The following ARK2C variants were observed in gnomAD, a reference collection of about 807,000 sequenced individuals.
ARK2C encodes the protein E3 ubiquitin-protein ligase ARK2C.
At chr18:46,346,956 C>T in the ARK2C span, among the ~76,000 whole-genome samples, 3 of 152,216 alleles carry the variant, frequency 2.0e-5, no homozygotes, top group African/African-American at 4.8e-5. Flanking sequence ...GGGAGACCCC[C>T]GAACACTCCT....
At chr18:46,393,531 G>A in the ARK2C span, among the ~76,000 whole-genome samples, 5 of 152,068 alleles carry the variant, frequency 3.3e-5, no homozygotes, top group East Asian at 1.9e-4. Flanking sequence ...GACGCCCCCC[G>A]CCACCACCCC....
chr18:46,341,009 C>A, the ARK2C span, among the ~76,000 whole-genome samples: 54 of 152,236 alleles, frequency 3.5e-4, no homozygotes, highest in African/African-American at 1.2e-3. Context: ...ACAGAAAGTA[C>A]GTAGCAGGAG....
the ARK2C span, among the ~76,000 whole-genome samples, chr18:46,422,306 T>C: frequency 6.6e-6 from 1 of 152,208 alleles, no homozygotes. Flanking sequence ...GCACCCTGCC[T>C]CTGAATGACT....
the ARK2C span, among the ~76,000 whole-genome samples, chr18:46,377,741 T>C: frequency 1.3e-5 from 2 of 152,134 alleles, no homozygotes; most frequent in African/African-American, 4.8e-5. Context: ...GGAGTTGCTA[T>C]GTGATGGGGC....
At chr18:46,425,526 A>G in the ARK2C span, among the ~76,000 whole-genome samples, 1 of 152,212 alleles carries the variant, frequency 6.6e-6, no homozygotes, top group Non-Finnish European at 1.5e-5. Flanking sequence ...AGTCTTGAGG[A>G]TGAAACTCCA....
chr18:46,394,123 C>T, the ARK2C span, among the ~76,000 whole-genome samples: 4 of 152,236 alleles, frequency 2.6e-5, no homozygotes, highest in African/African-American at 9.6e-5. Flanking sequence ...AGCCTTTTCA[C>T]TTGGATGCAA....
At chr18:46,454,599 C>G in the ARK2C span, among the ~76,000 whole-genome samples, 2 of 152,176 alleles carry the variant, frequency 1.3e-5, no homozygotes, top group African/African-American at 2.4e-5. Flanking sequence ...CCAGACTAAA[C>G]CAGACTCAGG....
chr18:46,338,433 A>G, the ARK2C span, among the ~76,000 whole-genome samples: 2 of 152,180 alleles, frequency 1.3e-5, no homozygotes, highest in African/African-American at 4.8e-5. Context: ...AAAGCTGATT[A>G]TAGCCTAGTT....
chr18:46,377,230 C>A, the ARK2C span, among the ~76,000 whole-genome samples: 1 of 152,066 alleles, frequency 6.6e-6, no homozygotes, highest in Admixed American at 6.6e-5. Flanking sequence ...AGCAAATATC[C>A]TTTAAAGAAA....
the ARK2C span, among the ~76,000 whole-genome samples, chr18:46,357,493 G>A: frequency 6.6e-6 from 1 of 152,270 alleles, no homozygotes; most frequent in Non-Finnish European, 1.5e-5. Context: ...TTGGTGGGCT[G>A]TGCTGGCAGA....
chr18:46,388,910 C>G, the ARK2C span, among the ~76,000 whole-genome samples: 1 of 152,058 alleles, frequency 6.6e-6, no homozygotes, highest in South Asian at 2.1e-4. Context: ...AAAAAAGACA[C>G]GAAACATTGA....
chr18:46,391,171 C>A, the ARK2C span, among the ~76,000 whole-genome samples: 1 of 152,172 alleles, frequency 6.6e-6, no homozygotes, highest in African/African-American at 2.4e-5. Context: ...CAATTCATCA[C>A]TTACAGTTTA....
At chr18:46,387,160 A>G in the ARK2C span, 1 of 152,414 alleles carries the variant, frequency 6.6e-6, no homozygotes, top group African/African-American at 2.4e-5. Flanking sequence ...AGAGGGCTAC[A>G]GTCTGTCCAG....
At chr18:46,390,605 G>A in the ARK2C span, among the ~76,000 whole-genome samples, 1 of 152,208 alleles carries the variant, frequency 6.6e-6, no homozygotes, top group African/African-American at 2.4e-5. Context: ...CAAAGTGATA[G>A]AAATAAGCCG....
chr18:46,456,507 C>T, the ARK2C span: 1 of 1,601,212 alleles, frequency 6.2e-7, no homozygotes, highest in Non-Finnish European at 8.6e-7. Flanking sequence ...GACTCTCCCT[C>T]CTCTCTTCCA....
chr18:46,334,212 C>G, the ARK2C span: 2 of 1,073,618 alleles, frequency 1.9e-6, no homozygotes, highest in Non-Finnish European at 1.1e-6. The surrounding 1 kb of genome is among the most constrained non-coding windows in gnomAD (Gnocchi z 4.4). Context: ...GCCCGCGCCC[C>G]GGAGCCGCGC....
the ARK2C span, among the ~76,000 whole-genome samples, chr18:46,417,021 A>G: frequency 3.9e-3 from 595 of 152,298 alleles, 3 homozygotes; most frequent in Non-Finnish European, 6.7e-3. Context: ...TTTGCAAACT[A>G]TCAGCCACAC....
chr18:46,371,403 A>G, the ARK2C span, among the ~76,000 whole-genome samples: 1 of 152,158 alleles, frequency 6.6e-6, no homozygotes, highest in Admixed American at 6.5e-5. Flanking sequence ...AGGCTCTGAC[A>G]ATGCAACCTC....
chr18:46,452,679 C>T, the ARK2C span, among the ~76,000 whole-genome samples: 2 of 152,072 alleles, frequency 1.3e-5, no homozygotes, highest in Admixed American at 6.6e-5. Flanking sequence ...AAACATTCAT[C>T]CTTCCCAGGG....
Sources: gnomAD v4.1 joint callset for allele counts (sites outside exome capture counted in the v4.1 genomes callset) on GRCh38, gnomAD v4.1.1 for gene constraint, Gnocchi (gnomAD v3.1) non-coding constraint, MANE v1.5 for transcripts, NCBI Gene and HGNC (gene_info 2026-07-23, HGNC 2026-07-21) for gene names.